The following RALYL variants were observed in gnomAD, a reference collection of about 807,000 sequenced individuals.
RALYL encodes the protein RNA-binding Raly-like protein.
RALYL carries 29 observed loss-of-function variants against 35.1 expected under a neutral mutation model. The ratio of observed to expected loss-of-function variants is 0.83; its 90% CI spans 0.61 to 1.13. RALYL has a LOEUF of 1.13. Ranked by LOEUF, RALYL falls within the 50% of genes most tolerant of loss-of-function variation. The pLI, the probability that RALYL is intolerant of heterozygous loss-of-function variation, is 0.00. For missense variants in RALYL, 359 were observed against 360.4 expected (o/e 1.00, Z 0.03); for synonymous variants, 120 against 127.6 (o/e 0.94, Z 0.40).
chr8:84,621,570 G>A (rs932777883), intron 2 of RALYL, among the ~76,000 whole-genome samples: 2 of 150,538 alleles, frequency 1.3e-5, no homozygotes, highest in Non-Finnish European at 2.9e-5. Context: ...CGTCGCTCAC[G>A]CTGGGAGCTG....
At chr8:84,599,478 C>G (rs1014657393) in intron 2 of RALYL, among the ~76,000 whole-genome samples, 1 of 151,828 alleles carries the variant, frequency 6.6e-6, no homozygotes, top group Non-Finnish European at 1.5e-5. Flanking sequence ...TAGGCTTCTT[C>G]CTCCCATAGA....
chr8:84,639,750 G>T (rs1406951325), intron 2 of RALYL, among the ~76,000 whole-genome samples: 2 of 151,858 alleles, frequency 1.3e-5, no homozygotes, highest in African/African-American at 4.8e-5. Flanking sequence ...TATGGCCAAG[G>T]ACCTTAGAGT....
intron 3 of RALYL, among the ~76,000 whole-genome samples, chr8:84,795,687 T>C (rs1219244642): frequency 1.3e-5 from 2 of 152,184 alleles, no homozygotes; most frequent in Non-Finnish European, 2.9e-5. Context: ...ATGCTTTTCA[T>C]TTTTCTTCTT....
rs1202333867 is a variant in RALYL at position 84,372,728 on chromosome 8, G to A, written c.-23-156571G>A. ...AATAAATAGTAGTAATATTCCTTTGGGTATATACCCAGTTATGGGATTGCT... is the reference window on the plus strand; with the variant it reads ...AATAAATAGTAGTAATATTCCTTTGAGTATATACCCAGTTATGGGATTGCT... On this transcript the variant is annotated intron_variant, in intron 1 of 8. Coordinates refer to ENST00000521268, the MANE Select transcript of RALYL (RefSeq NM_173848.7). 2.6e-5 allele frequency among the ~76,000 whole-genome samples: 4 copies of A among 151,624 alleles called. No individual in the cohort carries two copies. The South Asian group carries it at 8.3e-4, about 32-fold the overall frequency.
intron 2 of RALYL, among the ~76,000 whole-genome samples, chr8:84,564,732 G>A (rs990478257): frequency 4.0e-5 from 6 of 151,516 alleles, no homozygotes; most frequent in African/African-American, 1.5e-4. Context: ...AGCTTTCCTA[G>A]GTCCTGAATG....
At chr8:84,526,379 C>T (rs1451319445) in intron 1 of RALYL, among the ~76,000 whole-genome samples, 1 of 152,150 alleles carries the variant, frequency 6.6e-6, no homozygotes, top group African/African-American at 2.4e-5. Context: ...AATACCTTTA[C>T]CTATTGGAAT....
intron 1 of RALYL, among the ~76,000 whole-genome samples, chr8:84,296,351 A>G (rs1839737672): frequency 6.6e-6 from 1 of 152,116 alleles, no homozygotes; most frequent in African/African-American, 2.4e-5. Context: ...ATTCAAGACT[A>G]AAAGGTTCCC....
intron 3 of RALYL, among the ~76,000 whole-genome samples, chr8:84,788,702 T>C (rs1284438701): frequency 1.3e-5 from 2 of 152,172 alleles, no homozygotes; most frequent in Admixed American, 6.5e-5. Context: ...TGTGGAGGCA[T>C]AGTTCCTACT....
intron 1 of RALYL, among the ~76,000 whole-genome samples, chr8:84,470,432 G>A: frequency 6.6e-6 from 1 of 151,060 alleles, no homozygotes; most frequent in East Asian, 1.9e-4. Flanking sequence ...CTTGAAAAGT[G>A]TGGATTGAAA....
chr8:84,709,196 G>T (rs1841735097), intron 2 of RALYL, among the ~76,000 whole-genome samples: 1 of 151,982 alleles, frequency 6.6e-6, no homozygotes, highest in Non-Finnish European at 1.5e-5. Context: ...GTGTTCTGTA[G>T]GGTACCTTCC....
At chr8:84,570,930 C>A (rs1807820628) in intron 2 of RALYL, among the ~76,000 whole-genome samples, 1 of 151,798 alleles carries the variant, frequency 6.6e-6, no homozygotes, top group South Asian at 2.1e-4. Flanking sequence ...TGGAATAAAA[C>A]CCACTTGACC....
At chr8:84,625,599 C>T (rs1040058006) in intron 2 of RALYL, among the ~76,000 whole-genome samples, 7 of 152,114 alleles carry the variant, frequency 4.6e-5, no homozygotes, top group Admixed American at 2.6e-4. Flanking sequence ...ATAGAGATCC[C>T]ATAAAGTAGA....
intron 2 of RALYL, among the ~76,000 whole-genome samples, chr8:84,613,860 T>TTATATATATA (rs34184283): frequency 3.5e-5 from 5 of 142,100 alleles, no homozygotes; most frequent in African/African-American, 1.3e-4. Flanking sequence ...TTCTTCAGAT[T>TTATATATATA]TATATATATA....
chr8:84,850,703 T>A (rs1413294629), intron 5 of RALYL, among the ~76,000 whole-genome samples: 1 of 152,240 alleles, frequency 6.6e-6, no homozygotes, highest in Non-Finnish European at 1.5e-5. Context: ...TCAAAAGTAG[T>A]TGAAACAGTG....
At chr8:84,755,334 A>G (rs1420849000) in intron 2 of RALYL, among the ~76,000 whole-genome samples, 1 of 152,206 alleles carries the variant, frequency 6.6e-6, no homozygotes, top group African/African-American at 2.4e-5. Flanking sequence ...GTTGTCTGCC[A>G]CAAATACACA....
intron 1 of RALYL, among the ~76,000 whole-genome samples, chr8:84,333,967 A>G (rs1458486424): frequency 6.6e-6 from 1 of 151,998 alleles, no homozygotes; most frequent in East Asian, 1.9e-4. Context: ...TTTCACTGCA[A>G]CCTCCATCTC....
At chr8:84,356,226 A>G (rs1412785985) in intron 1 of RALYL, among the ~76,000 whole-genome samples, 7 of 150,434 alleles carry the variant, frequency 4.7e-5, no homozygotes, top group African/African-American at 1.7e-4. Flanking sequence ...CTTTATAGCA[A>G]TGTGAGAACT....
intron 2 of RALYL, among the ~76,000 whole-genome samples, chr8:84,668,493 C>G (rs1007653854): frequency 3.3e-5 from 5 of 151,946 alleles, no homozygotes; most frequent in Non-Finnish European, 5.9e-5. Context: ...GGTAGTAGAT[C>G]CAGGTGGTTA....
intron 2 of RALYL, among the ~76,000 whole-genome samples, chr8:84,559,332 T>A (rs963130817): frequency 6.6e-6 from 1 of 152,048 alleles, no homozygotes. Context: ...AGAGTGCAAT[T>A]GTCTTAGAAG....
Sources: allele counts gnomAD v4.1 joint callset (sites outside exome capture counted in the v4.1 genomes callset), GRCh38; gene constraint gnomAD v4.1.1; transcripts MANE v1.5; gene names NCBI Gene and HGNC (gene_info 2026-07-23, HGNC 2026-07-21).